The following PHF14 variants were observed in gnomAD, a reference collection of about 807,000 sequenced individuals.
PHF14 encodes PHD finger protein 14.
Under a neutral mutation model 117.9 loss-of-function variants are expected in PHF14, and 55 were observed. The observed-to-expected ratio is 0.47, with a 90% CI of 0.38 to 0.58. The LOEUF is 0.58. PHF14 is among the 20% of genes least tolerant of loss of function. The pLI, the probability that PHF14 is intolerant of heterozygous loss-of-function variation, is 0.00. For missense variants in PHF14, 978 were observed against 1,122.2 expected, an observed-to-expected ratio of 0.87 and a Z score of 1.84; for synonymous variants, 409 against 368.6, an observed-to-expected ratio of 1.11 and a Z score of -1.26.
intron 14 of PHF14, among the ~76,000 whole-genome samples, chr7:11,060,230 G>C (rs1785172355): frequency 6.6e-6 from 1 of 152,092 alleles, no homozygotes; most frequent in Non-Finnish European, 1.5e-5. Context: ...CATTAGTTCT[G>C]ATTTAACCAC....
Position 11,075,531 on chromosome 7 carries a change from A to G in PHF14, c.2654+13446A>G, listed in dbSNP as rs376963600. Among the ~76,000 whole-genome samples the G allele has an allele frequency of 5.3e-4, 80 of 151,280 alleles. 1 individual carries two copies. In the East Asian group the frequency reaches 0.012, roughly 23 times the overall value. ...TTAACTAGCTTTTGTGTGAATTAAC[A>G]AGAACTCACTCATTCCCATGGGAAG... is the stretch of plus-strand genomic sequence containing the variant. On this transcript the variant is annotated intron_variant, in intron 16 of 17. Transcript: ENST00000634607.
intron 3 of PHF14, among the ~76,000 whole-genome samples, chr7:10,988,472 A>G (rs562825530): frequency 1.1e-4 from 16 of 152,058 alleles, no homozygotes; most frequent in African/African-American, 3.9e-4. Context: ...CACACAGTCC[A>G]TAAAGACATG....
At chr7:11,049,704 A>G (rs1022473881) in intron 13 of PHF14, among the ~76,000 whole-genome samples, 2 of 152,200 alleles carry the variant, frequency 1.3e-5, no homozygotes, top group African/African-American at 4.8e-5. Flanking sequence ...GGGTTTTCAC[A>G]GTTCTGCTAA....
chr7:11,070,890 T>C (rs1039731461), intron 16 of PHF14, among the ~76,000 whole-genome samples: 6 of 152,234 alleles, frequency 3.9e-5, no homozygotes, highest in African/African-American at 1.4e-4. Context: ...TAAAATAGTT[T>C]ATAATTTGTT....
chr7:11,160,016 A>G (rs1788977525), intron 17 of PHF14, among the ~76,000 whole-genome samples: 1 of 152,166 alleles, frequency 6.6e-6, no homozygotes, highest in Non-Finnish European at 1.5e-5. Context: ...CCCATCACCC[A>G]GGTAATGAGC....
At position 10,982,973 on chromosome 7, in the gene PHF14, TGATGAA is replaced by T. The variant is rs1412878152; in HGVS notation, c.720_725del (p.Asp241_Glu242del). On this transcript the variant is annotated inframe_deletion, in exon 3 of 18. Coordinates refer to ENST00000634607, the MANE Select transcript of PHF14 (RefSeq NM_001007157.2). ...AGGGAAGTGATGGAGACAATGAGGA[TGATGAA>T]GATGAGGGAAGCGGGAGTGATGAAG... 8 of 1,589,146 alleles carry T rather than the reference TGATGAA, an allele frequency of 5.0e-6. No homozygotes were observed. The highest frequency in any genetic ancestry group is 1.8e-5 in the Admixed American group (1 of 55,050).
rs898181987 is a variant in PHF14 at position 11,068,268 on chromosome 7, A to G, written c.2654+6183A>G. On this transcript the variant is annotated intron_variant, in intron 16 of 17. Coordinates refer to ENST00000634607, the MANE Select transcript of PHF14 (RefSeq NM_001007157.2). Reference sequence around the variant, plus strand: ...TGGGAGGCTGAGGCAGGAGAATGGCATGAACCCGGAGGCAGGGCTTGCAGT... The same window carrying G: ...TGGGAGGCTGAGGCAGGAGAATGGCGTGAACCCGGAGGCAGGGCTTGCAGT... Among the ~76,000 whole-genome samples, 3 of 148,300 alleles carry G rather than the reference A, an allele frequency of 2.0e-5. No individual in the cohort carries two copies. The Admixed American group carries it at 2.1e-4, about 10-fold the overall frequency.
chr7:11,046,096 ATCTAGGTTCTATTTTGTTTGTACCTCTT>A (rs1287575405), intron 13 of PHF14, among the ~76,000 whole-genome samples: 1 of 152,124 alleles, frequency 6.6e-6, no homozygotes, highest in Non-Finnish European at 1.5e-5. Flanking sequence ...TGATGGTGTG[ATCTAGGTTCTATTTTGTTTGTACCTCTT>A]TCTAGTATTT....
At position 11,107,205 on chromosome 7, in the gene PHF14, A is replaced by T. The variant is rs1787299827; in HGVS notation, c.2655-4145A>T. 1.7e-5 allele frequency: 17 copies of T among 984,298 alleles called. No individual in the cohort carries two copies. The South Asian group carries it at 6.1e-4, about 35-fold the overall frequency. 61.0% of individuals were successfully genotyped at this position (984,298 alleles called of 1,614,324 possible). A position where few individuals can be genotyped will look rare whatever the true frequency, so the allele number is the denominator to read the frequency against. On this transcript the variant is annotated intron_variant, in intron 16 of 17. Transcript: ENST00000634607. ...GCTGCTTCTTTTTACTTGTTTGCAT[A>T]TTCTCAATAGTCAGGTAAACACCTG...
intron 14 of PHF14, among the ~76,000 whole-genome samples, chr7:11,058,235 C>A (rs1262475017): frequency 1.3e-5 from 2 of 152,144 alleles, no homozygotes; most frequent in South Asian, 2.1e-4. Context: ...ATAGGCCCAA[C>A]TTATTTTCGT....
chr7:11,083,619 C>A (rs1033477164), intron 16 of PHF14, among the ~76,000 whole-genome samples: 5 of 151,942 alleles, frequency 3.3e-5, no homozygotes, highest in Non-Finnish European at 7.4e-5. Context: ...CGCCACTACG[C>A]CCGGCTAACT....
intron 17 of PHF14, among the ~76,000 whole-genome samples, chr7:11,141,495 G>A (rs1788394809): frequency 6.6e-6 from 1 of 152,012 alleles, no homozygotes; most frequent in Admixed American, 6.6e-5. Flanking sequence ...GTATGATTAT[G>A]CTAGTTGGGT....
At chr7:10,983,669 A>G (rs1782121955) in intron 3 of PHF14, among the ~76,000 whole-genome samples, 2 of 152,192 alleles carry the variant, frequency 1.3e-5, no homozygotes, top group Non-Finnish European at 2.9e-5. Context: ...AGCACTCATC[A>G]TCTTTTTAGT....
intron 4 of PHF14, among the ~76,000 whole-genome samples, chr7:11,001,163 C>T (rs1459563303): frequency 6.6e-6 from 1 of 152,070 alleles, no homozygotes; most frequent in Non-Finnish European, 1.5e-5. Context: ...TCTGTGCTCC[C>T]TTATATTGCC....
intron 4 of PHF14, among the ~76,000 whole-genome samples, chr7:10,991,692 G>A (rs1681290): frequency 0.62 from 93,237 of 149,934 alleles, 29,503 homozygotes; most frequent in Middle Eastern, 0.7. Context: ...TTTAAAGGTC[G>A]GTGTTCTGGT....
chr7:10,995,258 T>C (rs1313121234), intron 4 of PHF14, among the ~76,000 whole-genome samples: 1 of 151,108 alleles, frequency 6.6e-6, no homozygotes, highest in African/African-American at 2.4e-5. Context: ...CTGATTGGTA[T>C]ATTTACAATC....
At position 11,083,139 on chromosome 7, in the gene PHF14, G is replaced by T. The variant is rs1048902058; in HGVS notation, c.2654+21054G>T. Among the ~76,000 whole-genome samples the T allele has an allele frequency of 5.9e-5, 9 of 152,292 alleles. No homozygotes were observed. The South Asian group carries it at 6.2e-4, about 11-fold the overall frequency. On this transcript the variant is annotated intron_variant, in intron 16 of 17. Coordinates refer to ENST00000634607, the MANE Select transcript of PHF14 (RefSeq NM_001007157.2). ...TGTGCAGTCCAACCCCAGCCAATGG[G>T]GAAAGGGCACAGGGGCAGGATTTGC...
rs1294684293 is a variant in PHF14 at position 11,018,323 on chromosome 7, G to A, written c.1205+4417G>A. Among the ~76,000 whole-genome samples, 3 of 152,078 alleles carry A rather than the reference G, an allele frequency of 2.0e-5. No individual in the cohort carries two copies. The East Asian group carries it at 5.8e-4, about 29-fold the overall frequency. ...TTTTGATAGGGATTGCATTGAATCTGTAGATTGCTTTGGGTAGTATGGGCA... is the reference window on the plus strand; with the variant it reads ...TTTTGATAGGGATTGCATTGAATCTATAGATTGCTTTGGGTAGTATGGGCA... On this transcript the variant is annotated intron_variant, in intron 5 of 17. Coordinates refer to ENST00000634607, the MANE Select transcript of PHF14 (RefSeq NM_001007157.2).
intron 13 of PHF14, among the ~76,000 whole-genome samples, chr7:11,051,186 G>A (rs1197879865): frequency 3.3e-5 from 5 of 151,840 alleles, no homozygotes; most frequent in East Asian, 1.9e-4. Flanking sequence ...GATTATAGGC[G>A]TGTGCCACCA....
Sources: gnomAD v4.1 joint callset for allele counts (sites outside exome capture counted in the v4.1 genomes callset) on GRCh38, gnomAD v4.1.1 for gene constraint, MANE v1.5 for transcripts, NCBI Gene and HGNC (gene_info 2026-07-23, HGNC 2026-07-21) for gene names.